The following BAZ1A variants were observed in gnomAD, a reference collection of about 807,000 sequenced individuals.
The protein encoded by BAZ1A is bromodomain adjacent to zinc finger domain protein 1A.
BAZ1A carries 50 observed loss-of-function variants against 185.2 expected under a neutral mutation model. The observed-to-expected ratio is 0.27, with a 90% CI of 0.22 to 0.34. BAZ1A has a LOEUF of 0.34. BAZ1A is among the 10% of genes least tolerant of loss of function. The probability of loss-of-function intolerance (pLI) is 1.00; values close to 1 mark genes in which losing one functional copy is unlikely to be tolerated. For synonymous variants in BAZ1A, 571 were observed against 615.6 expected (o/e 0.93, Z 1.07); for missense variants, 1,356 against 1,839.9 (o/e 0.74, Z 4.81).
chr14:34,868,898 A>ACG (rs1491280296), intron 2 of BAZ1A, among the ~76,000 whole-genome samples: 1 of 96,092 alleles, frequency 1.0e-5, no homozygotes, highest in Non-Finnish European at 2.5e-5. Flanking sequence ...GTAAGTATGT[A>ACG]TGTGTGTGTG....
chr14:34,786,583 G>A (rs1880453289), intron 12 of BAZ1A: 1 of 150,396 alleles, frequency 6.6e-6, no homozygotes, highest in Non-Finnish European at 1.4e-5. Context: ...TCTATTTAAA[G>A]ATACTCCAAT....
chr14:34,820,123 T>A (rs940815936), intron 4 of BAZ1A, among the ~76,000 whole-genome samples: 5 of 9,440 alleles, frequency 5.3e-4, no homozygotes, highest in African/African-American at 9.4e-4. Flanking sequence ...GGGTTCCTCG[T>A]TTTTTTTTTT....
chr14:34,836,811 TCA>T (rs1035711707), intron 3 of BAZ1A, among the ~76,000 whole-genome samples: 2 of 152,084 alleles, frequency 1.3e-5, no homozygotes, highest in African/African-American at 4.8e-5. Context: ...AGTCAGCTAT[TCA>T]CACAAAAAGA....
At chr14:34,796,696 C>T (rs2138644418) in intron 9 of BAZ1A, among the ~76,000 whole-genome samples, 1 of 152,188 alleles carries the variant, frequency 6.6e-6, no homozygotes, top group Non-Finnish European at 1.5e-5. Context: ...CTATTTTTTC[C>T]AGTAAGTATA....
chr14:34,786,367 C>T, intron 12 of BAZ1A, 146 bp from the exon 13 acceptor site: 2 of 639,738 alleles, frequency 3.1e-6, no homozygotes, highest in African/African-American at 1.8e-5. Flanking sequence ...GCAATATTCA[C>T]ATTCTGCTTC....
At chr14:34,832,211 C>CATATATATATATAT (rs1181710627) in intron 3 of BAZ1A, among the ~76,000 whole-genome samples, 10 of 65,522 alleles carry the variant, frequency 1.5e-4, no homozygotes, top group African/African-American at 4.4e-4. Context: ...CACACACACA[C>CATATATATATATAT]ACACATATAT....
intron 3 of BAZ1A, among the ~76,000 whole-genome samples, chr14:34,856,668 G>C (rs983679792): frequency 5.3e-5 from 8 of 151,794 alleles, no homozygotes; most frequent in Non-Finnish European, 1.0e-4. Flanking sequence ...GACCAGCCTG[G>C]TCAACATAGT....
chr14:34,813,247 T>C (rs1240972137), intron 4 of BAZ1A, among the ~76,000 whole-genome samples: 1 of 151,100 alleles, frequency 6.6e-6, no homozygotes, highest in East Asian at 1.9e-4. Context: ...CAAAACCTAG[T>C]TGGATATGAT....
intron 3 of BAZ1A, among the ~76,000 whole-genome samples, chr14:34,829,788 A>T (rs1229250655): frequency 1.3e-5 from 2 of 152,054 alleles, no homozygotes; most frequent in East Asian, 3.8e-4. Flanking sequence ...TCATCATCTA[A>T]CCTACCTCCC....
chr14:34,826,993 T>C (rs913306923), intron 3 of BAZ1A, among the ~76,000 whole-genome samples: 4 of 152,168 alleles, frequency 2.6e-5, no homozygotes, highest in African/African-American at 7.2e-5. Flanking sequence ...CTCCTGCCTT[T>C]GGACATCAAC....
At chr14:34,757,935 G>C (rs1886335667) in intron 25 of BAZ1A, among the ~76,000 whole-genome samples, 1 of 151,038 alleles carries the variant, frequency 6.6e-6, no homozygotes, top group South Asian at 2.1e-4. Flanking sequence ...TTTTAGTAGA[G>C]ATGGGGTTTC....
At position 34,803,001 on chromosome 14, in the gene BAZ1A, A is replaced by G. The variant is rs755412479; in HGVS notation, c.727-13T>C. 4 of 1,600,956 alleles carry G rather than the reference A, an allele frequency of 2.5e-6. No individual in the cohort carries two copies. The highest frequency in any genetic ancestry group is 1.7e-5 in the Admixed American group (1 of 59,918). On this transcript the variant is annotated splice_polypyrimidine_tract_variant and intron_variant, in intron 6 of 26. Coordinates refer to ENST00000360310, the MANE Select transcript of BAZ1A (RefSeq NM_013448.3). ...AAAGAGATGATGCCTTAATAAAACAAAGACATAGGGTACAATAATAACACA... is the reference window on the plus strand; with the variant it reads ...AAAGAGATGATGCCTTAATAAAACAGAGACATAGGGTACAATAATAACACA...
intron 2 of BAZ1A, among the ~76,000 whole-genome samples, chr14:34,865,251 A>AT (rs1026123713): frequency 1.3e-5 from 2 of 152,010 alleles, no homozygotes; most frequent in Non-Finnish European, 2.9e-5. Context: ...CTGAAAAAAA[A>AT]TTTTTTTATA....
At chr14:34,817,584 C>T (rs1227172755) in intron 4 of BAZ1A, among the ~76,000 whole-genome samples, 1 of 150,908 alleles carries the variant, frequency 6.6e-6, no homozygotes, top group Non-Finnish European at 1.5e-5. Flanking sequence ...CAGTCTGTCT[C>T]AAAACAAAAC....
intron 18 of BAZ1A, among the ~76,000 whole-genome samples, chr14:34,774,738 T>C (rs1879472039): frequency 1.3e-5 from 2 of 152,202 alleles, no homozygotes; most frequent in Non-Finnish European, 2.9e-5. Flanking sequence ...GTTATGCCAC[T>C]GCAATCCAGC....
chr14:34,773,004 G>A (rs1418887963), intron 20 of BAZ1A, among the ~76,000 whole-genome samples: 1 of 151,992 alleles, frequency 6.6e-6, no homozygotes, highest in Non-Finnish European at 1.5e-5. Flanking sequence ...CTCCAGCCTG[G>A]CAACAGAGCA....
intron 6 of BAZ1A, among the ~76,000 whole-genome samples, chr14:34,806,470 C>G (rs1881861689): frequency 6.6e-6 from 1 of 152,144 alleles, no homozygotes; most frequent in African/African-American, 2.4e-5. Flanking sequence ...AGGCTGAAAT[C>G]CCAGGCTCAA....
intron 21 of BAZ1A, among the ~76,000 whole-genome samples, chr14:34,767,544 AAT>A (rs137860327): frequency 0.014 from 2,142 of 152,104 alleles, 54 homozygotes; most frequent in African/African-American, 0.048. Context: ...TCTGTCTCAA[AAT>A]ATATATATAT....
chr14:34,844,822 CATT>C (rs1347596918), intron 3 of BAZ1A, among the ~76,000 whole-genome samples: 9 of 150,974 alleles, frequency 6.0e-5, no homozygotes, highest in African/African-American at 1.7e-4. Flanking sequence ...CAAAATCCAA[CATT>C]ATTTTTCATA....
Sources: allele counts gnomAD v4.1 joint callset (sites outside exome capture counted in the v4.1 genomes callset), GRCh38; gene constraint gnomAD v4.1.1; transcripts MANE v1.5; gene names NCBI Gene and HGNC (gene_info 2026-07-23, HGNC 2026-07-21).